ERCC6L2: variants seen among roughly 807,000 people sequenced by gnomAD.
ERCC6L2 encodes ERCC excision repair 6 like 2.
In ERCC6L2, 77 loss-of-function variants were observed where a neutral mutation model predicts 132.0. The observed-to-expected ratio is 0.58, with a 90% CI of 0.49 to 0.71. ERCC6L2 has a LOEUF of 0.71. ERCC6L2 is among the 30% of genes least tolerant of loss of function. The pLI is 0.00. For synonymous variants in ERCC6L2, 583 were observed against 632.4 expected (o/e 0.92, Z 1.17); for missense variants, 1,542 against 1,837.6 (o/e 0.84, Z 2.94).
At chr9:95,878,884 A>G (rs1212776) in intron 1 of ERCC6L2, among the ~76,000 whole-genome samples, 59,123 of 150,866 alleles carry the variant, frequency 0.39, 12,189 homozygotes, top group Middle Eastern at 0.51. Context: ...TATGTGCCAC[A>G]TTTTCTTAAT....
downstream of ERCC6L2, chr9:96,019,981 C>G (rs1021770536): frequency 1.3e-5 from 2 of 152,242 alleles, no homozygotes; most frequent in African/African-American, 2.4e-5. Flanking sequence ...GTCAGGAGTT[C>G]CAGACCAGCC....
chr9:95,959,490 A>C (rs1025755578), intron 13 of ERCC6L2, among the ~76,000 whole-genome samples: 3 of 152,062 alleles, frequency 2.0e-5, no homozygotes, highest in Non-Finnish European at 2.9e-5. Flanking sequence ...CATGTCTAAA[A>C]CACCAAAAGC....
chr9:96,009,458 C>A (rs1329475309), intron 18 of ERCC6L2, among the ~76,000 whole-genome samples: 2 of 152,338 alleles, frequency 1.3e-5, no homozygotes, highest in East Asian at 3.9e-4. Context: ...GAAGCTTAGG[C>A]AGACAGAAGA....
intron 4 of ERCC6L2, among the ~76,000 whole-genome samples, chr9:95,907,855 ACCCCCACACC>A (rs796941222): frequency 9.6e-6 from 1 of 103,674 alleles, no homozygotes; most frequent in African/African-American, 3.0e-5. Context: ...ACACACACAC[ACCCCCACACC>A]CACACACCCA....
Position 95,916,213 on chromosome 9 carries a change from T to C in ERCC6L2, c.951-14T>C, listed in dbSNP as rs777430815. The stretch of plus-strand genomic sequence containing the variant: ...TAATAAAGCCCTTACATTTTTCTTA[T>C]TGTCTTTATAAAGGGCTGTGCCAGG... On this transcript the variant is annotated splice_polypyrimidine_tract_variant and intron_variant, in intron 5 of 18. Transcript: ENST00000653738. The C allele has an allele frequency of 8.1e-6, 13 of 1,611,102 alleles. No homozygotes were observed. Among genetic ancestry groups the C allele is most frequent in the East Asian group, 2.2e-5 (1 of 44,830 alleles).
intron 19 of ERCC6L2, among the ~76,000 whole-genome samples, chr9:96,029,326 A>G (rs1186321041): frequency 6.7e-6 from 1 of 150,242 alleles, no homozygotes; most frequent in Non-Finnish European, 1.5e-5. Context: ...AAAAAAAACA[A>G]AAAAAAAATT....
intron 17 of ERCC6L2, among the ~76,000 whole-genome samples, chr9:95,994,418 A>G (rs1564291639): frequency 6.6e-6 from 1 of 152,116 alleles, no homozygotes. Context: ...ATCAGGCCTA[A>G]TCATCTGGTT....
chr9:95,949,497 T>C (rs1831227367), intron 12 of ERCC6L2, among the ~76,000 whole-genome samples: 1 of 152,106 alleles, frequency 6.6e-6, no homozygotes, highest in Admixed American at 6.6e-5. Context: ...GATTATCAAG[T>C]GGATTTGTCA....
rs1827570899 is a variant in ERCC6L2, at chr9:95,881,177, A to G, written c.355A>G (p.Ile119Val). Residue 119 changes from isoleucine to valine, a missense_variant, in exon 2 of 19, where the codon ATC becomes GTC. This residue lies in a region of ERCC6L2 where 945 missense variants were observed against 1,105.2 expected (regional missense o/e 0.86). Transcript: ENST00000653738. ...CAATGGAGACTCTATTCCTTATACC[A>G]TCAATAGGTATTTGAGAGACTACCA... ...SDNGDSIPYT[I>V]NRYLRDYQRE... The G allele has an allele frequency of 6.2e-7, 1 of 1,613,242 alleles. No homozygotes were observed. Among genetic ancestry groups the G allele is most frequent in the African/African-American group, 1.3e-5 (1 of 74,814 alleles).
intron 12 of ERCC6L2, among the ~76,000 whole-genome samples, chr9:95,949,549 T>C (rs1287100974): frequency 6.6e-6 from 1 of 151,926 alleles, no homozygotes; most frequent in Non-Finnish European, 1.5e-5. Flanking sequence ...ATAATATATT[T>C]AATGTATTGG....
intron 13 of ERCC6L2, among the ~76,000 whole-genome samples, chr9:95,962,660 A>G (rs545349185): frequency 6.6e-6 from 1 of 152,318 alleles, no homozygotes; most frequent in Admixed American, 6.5e-5. Flanking sequence ...TCTGTGTGAC[A>G]GACTGTCCCT....
intron 19 of ERCC6L2, chr9:96,027,637 C>G (rs1834398353): frequency 6.6e-6 from 1 of 152,560 alleles, no homozygotes; most frequent in African/African-American, 2.4e-5. Flanking sequence ...AGCGCCCACC[C>G]GTCCCCCCGG....
chr9:96,038,377 A>G (rs1362948783), intron 19 of ERCC6L2, among the ~76,000 whole-genome samples: 1 of 152,196 alleles, frequency 6.6e-6, no homozygotes, highest in Non-Finnish European at 1.5e-5. Flanking sequence ...TCTACACTGC[A>G]GAGTCGTATG....
chr9:95,956,766 G>T (rs1831624421), intron 13 of ERCC6L2, among the ~76,000 whole-genome samples: 1 of 152,106 alleles, frequency 6.6e-6, no homozygotes, highest in Admixed American at 6.6e-5. Context: ...CCATGATTCA[G>T]TTACCCACTG....
At chr9:95,984,269 T>C (rs534549285) in intron 17 of ERCC6L2, among the ~76,000 whole-genome samples, 2 of 149,366 alleles carry the variant, frequency 1.3e-5, no homozygotes, top group Admixed American at 1.3e-4. Flanking sequence ...TACATGTATG[T>C]TATGTATATG....
rs188357628 is a variant in ERCC6L2 at position 95,961,468 on chromosome 9, G to C, written c.1948-5094G>C. Among the ~76,000 whole-genome samples the C allele has an allele frequency of 1.1e-4, 16 of 152,268 alleles. No individual in the cohort carries two copies. The East Asian group carries it at 3.1e-3, about 29-fold the overall frequency. ...TATGGACACCTTGATTTCAGATTTAGCTGCACAACTATGAGAAAATAAATT... is the reference window on the plus strand; with the variant it reads ...TATGGACACCTTGATTTCAGATTTACCTGCACAACTATGAGAAAATAAATT... On this transcript the variant is annotated intron_variant, in intron 13 of 18. Coordinates refer to ENST00000653738, the MANE Select transcript of ERCC6L2 (RefSeq NM_020207.7).
At chr9:95,941,654 G>C (rs1251723570) in intron 12 of ERCC6L2, 105 bp downstream of exon 12, 13 of 786,350 alleles carry the variant, frequency 1.7e-5, no homozygotes, top group Non-Finnish European at 2.7e-5. Flanking sequence ...AGAAGAAAGG[G>C]GGAAACTGGT....
intron 13 of ERCC6L2, among the ~76,000 whole-genome samples, chr9:95,960,368 C>T (rs1298077092): frequency 6.6e-6 from 1 of 152,178 alleles, no homozygotes; most frequent in Non-Finnish European, 1.5e-5. Flanking sequence ...ATATCAATTT[C>T]TAATCCCTGG....
At chr9:96,032,693 G>A (rs894871438) in intron 19 of ERCC6L2, among the ~76,000 whole-genome samples, 1 of 152,214 alleles carries the variant, frequency 6.6e-6, no homozygotes, top group Non-Finnish European at 1.5e-5. Flanking sequence ...CCAGGAGCCC[G>A]GAGCTGGCAG....
Sources: allele counts gnomAD v4.1 joint callset (sites outside exome capture counted in the v4.1 genomes callset), GRCh38; gene constraint gnomAD v4.1.1; regional missense constraint gnomAD v4.1.1; transcripts MANE v1.5; gene names NCBI Gene and HGNC (gene_info 2026-07-23, HGNC 2026-07-21).